Variants in MEPE observed in about 807,000 individuals in gnomAD.
MEPE encodes matrix extracellular phosphoglycoprotein, also known as matrix, extracellular phosphoglycoprotein with ASARM motif (bone).
In MEPE, 7 loss-of-function variants were observed where a neutral mutation model predicts 7.3. That is an observed-to-expected ratio of 0.95 (90% confidence interval 0.54 to 1.79). The LOEUF (loss-of-function observed/expected upper bound fraction) is 1.79, where lower values mean the gene tolerates loss of function less well. Ranked by LOEUF, MEPE falls within the 40% of genes most tolerant of loss-of-function variation. The pLI, the probability that MEPE is intolerant of heterozygous loss-of-function variation, is 0.00. For synonymous variants in MEPE, 214 were observed against 213.1 expected, an observed-to-expected ratio of 1.00 and a Z score of -0.04; for missense variants, 623 against 628.2, an observed-to-expected ratio of 0.99 and a Z score of 0.09.
chr4:87,838,650 G>A lies in MEPE; in HGVS notation c.73G>A (p.Glu25Lys). ...CTTTCAGACATTTCAACCACAGACT[G>A]AGAAAACTAAGCAAAGCTGTGTGGA... ...WAAPTFQPQTEKTKQSCVEEQ... is the reference protein window; with the variant it reads ...WAAPTFQPQTKKTKQSCVEEQ... The change falls in exon 3 of 4, where the codon GAG (glutamate) becomes AAG (lysine). Residue 25 changes from glutamate (E) to lysine (K), a missense_variant. Transcript: ENST00000361056. 1 of 1,613,584 alleles carries A rather than the reference G, an allele frequency of 6.2e-7. No homozygotes were observed. Among genetic ancestry groups the A allele is most frequent in the South Asian group, 1.1e-5 (1 of 91,050 alleles).
rs1723165496 is a variant in MEPE, at chr4:87,845,143, A to T, written c.275A>T (p.Asn92Ile). Residue 92 changes from asparagine to isoleucine, a missense_variant, in exon 4 of 4, where the codon AAT becomes ATT. Physicochemically the swap from Asn to Ile is moderately radical, Grantham distance 149. Coordinates refer to ENST00000361056, the MANE Select transcript of MEPE (RefSeq NM_020203.6). Reference protein sequence around the residue: ...GSSKSQNYFTNRQRLNKEYSI... With the variant: ...GSSKSQNYFTIRQRLNKEYSI... ...AGTAAATCTCAAAATTATTTCACAA[A>T]TAGACAGAGACTGAATAAAGAATAT... is the stretch of plus-strand genomic sequence containing the variant. 2.5e-6 allele frequency: 4 copies of T among 1,613,772 alleles called. No homozygotes were observed. Among genetic ancestry groups the T allele is most frequent in the Non-Finnish European group, 3.4e-6 (4 of 1,179,862 alleles).
Position 87,846,063 on chromosome 4 carries a change from A to C in MEPE, c.1195A>C (p.Ile399Leu). The change falls in exon 4 of 4, where the codon ATT becomes CTT. Residue 399 changes from isoleucine to leucine, a missense_variant. Transcript: ENST00000361056. ...DAAESTNYNEIPKNGKGSTRK... is the reference protein window; with the variant it reads ...DAAESTNYNELPKNGKGSTRK... ...AGCTGAAAGTACCAACTATAATGAA[A>C]TTCCTAAAAATGGCAAAGGCAGTAC... 1.2e-6 allele frequency: 2 copies of C among 1,614,054 alleles called. No homozygotes were observed. The highest frequency in any genetic ancestry group is 1.7e-6 in the Non-Finnish European group (2 of 1,179,956).
intron 3 of MEPE, chr4:87,839,749 C>T: frequency 6.5e-7 from 1 of 1,550,078 alleles, no homozygotes; most frequent in Non-Finnish European, 8.7e-7. Flanking sequence ...TACATGTCAC[C>T]TGAGAAGAAA....
At chr4:87,839,329 A>G (rs1341600208) in intron 3 of MEPE, among the ~76,000 whole-genome samples, 2 of 152,172 alleles carry the variant, frequency 1.3e-5, no homozygotes, top group African/African-American at 2.4e-5. Flanking sequence ...AGACATGAAT[A>G]TTGTAAATCC....
chr4:87,821,870 AG>A (rs562902966), intron 1 of MEPE, among the ~76,000 whole-genome samples: 443 of 152,284 alleles, frequency 2.9e-3, no homozygotes, highest in African/African-American at 9.8e-3. Context: ...ATAAAGCTGC[AG>A]GGGAGCCCTC....
chr4:87,821,620 T>C (rs1722340520), intron 1 of MEPE: 1 of 152,236 alleles, frequency 6.6e-6, no homozygotes, highest in Non-Finnish European at 1.5e-5. Context: ...GTATGTGTGC[T>C]GTTTTTGGTC....
chr4:87,835,341 C>T lies in MEPE; in HGVS notation c.54+573C>T, dbSNP rs114655277. ...CCTACTTCCTTGTGTGTCTTTTCTT[C>T]CCTCTGACTCACCCAGTTGAATATT... On this transcript the variant is annotated intron_variant, in intron 2 of 3. Coordinates refer to ENST00000361056, the MANE Select transcript of MEPE (RefSeq NM_020203.6). Among the ~76,000 whole-genome samples the T allele has an allele frequency of 2.0e-3, 307 of 152,298 alleles. 1 individual carries two copies. Among genetic ancestry groups the T allele is most frequent in the African/African-American group, 6.7e-3 (279 of 41,560 alleles).
intron 1 of MEPE, among the ~76,000 whole-genome samples, chr4:87,825,137 G>A (rs967838049): frequency 1.3e-5 from 2 of 152,146 alleles, no homozygotes; most frequent in African/African-American, 4.8e-5. Context: ...CAGGACCTAG[G>A]CACAGCAAGA....
chr4:87,828,108 T>C (rs1009363355), upstream of MEPE, among the ~76,000 whole-genome samples: 2 of 152,164 alleles, frequency 1.3e-5, no homozygotes, highest in Admixed American at 6.5e-5. Context: ...ACTCTTATTT[T>C]GGATATCAGT....
chr4:87,834,746 T>C lies in MEPE; in HGVS notation c.32T>C (p.Phe11Ser). The C allele has an allele frequency of 6.2e-7, 1 of 1,613,430 alleles. No homozygotes were observed. The highest frequency in any genetic ancestry group is 8.5e-7 in the Non-Finnish European group (1 of 1,179,684). MRVFCVGLLL[F>S]SVTWAAPTFQ... ...GTTTTCTGTGTGGGACTACTCCTTT[T>C]CAGTGTGACCTGGGCAGCACCAGTA... is the stretch of plus-strand genomic sequence containing the variant. Residue 11 changes from phenylalanine to serine, a missense_variant, in exon 2 of 4, where the codon TTC becomes TCC. Phe to Ser is a radical substitution (Grantham distance 155). Coordinates refer to ENST00000361056, the MANE Select transcript of MEPE (RefSeq NM_020203.6).
chr4:87,839,936 G>T (rs1221690628), intron 3 of MEPE: 4 of 1,536,066 alleles, frequency 2.6e-6, no homozygotes. Flanking sequence ...GGCTCCTCAA[G>T]CCTCTCTACT....
At chr4:87,842,743 C>T (rs1354216395) in intron 3 of MEPE, among the ~76,000 whole-genome samples, 2 of 152,054 alleles carry the variant, frequency 1.3e-5, no homozygotes, top group African/African-American at 4.8e-5. Flanking sequence ...GGTGTTGCAT[C>T]AGGAAAAATG....
At chr4:87,839,684 G>A (rs1560539657) in intron 3 of MEPE, 12 of 1,546,968 alleles carry the variant, frequency 7.8e-6, no homozygotes, top group Non-Finnish European at 9.6e-6. Context: ...TGTTTTTGTA[G>A]ATAACATACA....
At position 87,823,632 on chromosome 4, in the gene MEPE, A is replaced by G. The variant is rs185565953; in HGVS notation, c.-13+2161A>G. 6.0e-4 allele frequency among the ~76,000 whole-genome samples: 92 copies of G among 152,316 alleles called. 1 individual carries two copies. The highest frequency in any genetic ancestry group is 1.1e-3 in the Non-Finnish European group (74 of 68,022). ...TTCAGCAGTAAGAAAACAAATGTTG[A>G]CTTTCTTTTCATTTGGATCCTTTCT... On this transcript the variant is annotated intron_variant, in intron 1 of 3. Transcript: ENST00000424957.
rs1023354990 is a variant in MEPE at position 87,833,012 on chromosome 4, C to A, written c.-15C>A. 3.3e-5 allele frequency: 5 copies of A among 152,138 alleles called. No individual in the cohort carries two copies. The highest frequency in any genetic ancestry group is 7.3e-5 in the Non-Finnish European group (5 of 68,028). 9.4% of individuals were successfully genotyped at this position (152,138 alleles called of 1,614,324 possible). ...CAGGTATTCTGAAGGTGAAAGATAC[C>A]AGGTAATTTGGCTTTCATGTTCTTG... On this transcript the variant is annotated splice_region_variant and 5_prime_UTR_variant, in exon 1 of 4. Coordinates refer to ENST00000361056, the MANE Select transcript of MEPE (RefSeq NM_020203.6).
intron 3 of MEPE, among the ~76,000 whole-genome samples, chr4:87,842,943 C>A (rs1723070922): frequency 6.6e-6 from 1 of 152,172 alleles, no homozygotes; most frequent in Non-Finnish European, 1.5e-5. Context: ...AATTCTCTAT[C>A]TCTAACTGTA....
At chr4:87,835,109 T>C (rs1001160339) in intron 2 of MEPE, among the ~76,000 whole-genome samples, 2 of 152,248 alleles carry the variant, frequency 1.3e-5, no homozygotes, top group African/African-American at 4.8e-5. Flanking sequence ...AATCTTTGAC[T>C]ATTTTCCTGT....
At chr4:87,826,620 A>G (rs1264766503) in intron 1 of MEPE, among the ~76,000 whole-genome samples, 1 of 152,078 alleles carries the variant, frequency 6.6e-6, no homozygotes, top group African/African-American at 2.4e-5. Context: ...GTGTAAAAGC[A>G]TTCCTTTTTA....
At chr4:87,835,701 G>A (rs938290902) in intron 2 of MEPE, among the ~76,000 whole-genome samples, 3 of 152,072 alleles carry the variant, frequency 2.0e-5, no homozygotes, top group Non-Finnish European at 4.4e-5. Flanking sequence ...TGTGGAGGCT[G>A]TACTGCTCAC....
Sources: gnomAD v4.1 joint callset for allele counts (sites outside exome capture counted in the v4.1 genomes callset) on GRCh38, gnomAD v4.1.1 for gene constraint, MANE v1.5 for transcripts, NCBI Gene and HGNC (gene_info 2026-07-23, HGNC 2026-07-21) for gene names.